Variants in CRLS1 observed in about 807,000 individuals in gnomAD.
The protein encoded by CRLS1 is cardiolipin synthase 1, also known as cardiolipin synthase (CMP-forming).
A neutral mutation model predicts 37.0 loss-of-function variants in CRLS1; 24 were observed. The ratio of observed to expected loss-of-function variants is 0.65; its 90% CI spans 0.47 to 0.91. CRLS1 has a LOEUF of 0.91. Among genes scored for constraint, CRLS1 ranks in the 40% least tolerant of loss-of-function variants. The pLI, the probability that CRLS1 is intolerant of heterozygous loss-of-function variation, is 0.00. For synonymous variants in CRLS1, 135 were observed against 159.7 expected (o/e 0.85, Z 1.17); for missense variants, 373 against 395.8 (o/e 0.94, Z 0.49).
At chr20:6,014,497 G>A (rs1183574591) in intron 2 of CRLS1, among the ~76,000 whole-genome samples, 1 of 152,156 alleles carries the variant, frequency 6.6e-6, no homozygotes, top group Non-Finnish European at 1.5e-5. Flanking sequence ...GAAACTTGAA[G>A]TTAAATGAGT....
At position 6,006,362 on chromosome 20, in the gene CRLS1, C is replaced by T; in HGVS notation, c.116C>T (p.Pro39Leu). The change falls in exon 1 of 7, where the codon CCC becomes CTC. Residue 39 changes from proline (P) to leucine (L), a missense_variant. Coordinates refer to ENST00000378863, the MANE Select transcript of CRLS1 (RefSeq NM_019095.6). ...TGCTGGGCCCTGCTGCCGCCCGTGC[C>T]CTGCTGCTTGGGCTGCCTGGCCGAA... ...RACWALLPPV[P>L]CCLGCLAERW... The T allele has an allele frequency of 1.4e-6, 2 of 1,401,944 alleles. No homozygotes were observed. The highest frequency in any genetic ancestry group is 3.1e-5 in the South Asian group (2 of 65,566). The allele number at this position is 1,401,944 out of a possible 1,614,324, so 86.8% of individuals were successfully genotyped here. A position where few individuals can be genotyped will look rare whatever the true frequency, so the allele number is the denominator to read the frequency against.
At chr20:6,030,674 G>A (rs115455007) in intron 3 of CRLS1, among the ~76,000 whole-genome samples, 2,141 of 151,944 alleles carry the variant, frequency 0.014, 51 homozygotes, top group African/African-American at 0.049. Context: ...AGCCGATACC[G>A]TGCCACTGCA....
rs1394201915 is a variant in CRLS1 at position 6,006,297 on chromosome 20, C to T, written c.51C>T (p.Ala17=). ...ARGSWGALRG[A]AWAPGTRPSK... Reference sequence around the variant, plus strand: ...GCTCGTGGGGGGCCCTGCGCGGCGCCGCTTGGGCTCCGGGAACGCGGCCGA... The same window carrying T: ...GCTCGTGGGGGGCCCTGCGCGGCGCTGCTTGGGCTCCGGGAACGCGGCCGA... The change falls in exon 1 of 7, where the codon GCC becomes GCT. Residue 17 remains alanine (A), a synonymous_variant. Transcript: ENST00000378863. The T allele has an allele frequency of 7.7e-7, 1 of 1,305,462 alleles. No homozygotes were observed. Among genetic ancestry groups the T allele is most frequent in the African/African-American group, 1.5e-5 (1 of 65,250 alleles). 80.9% of individuals were successfully genotyped at this position (1,305,462 alleles called of 1,614,324 possible).
chr20:6,009,681 G>GC (rs2090106384), intron 1 of CRLS1, 94 bp from the exon 2 acceptor site: 1 of 954,574 alleles, frequency 1.0e-6, no homozygotes, highest in African/African-American at 1.7e-5. Context: ...TCTGACTGAA[G>GC]TTGATGAAGT....
chr20:6,025,219 G>A (rs1379974890), intron 3 of CRLS1, among the ~76,000 whole-genome samples: 1 of 152,194 alleles, frequency 6.6e-6, no homozygotes, highest in African/African-American at 2.4e-5. Flanking sequence ...TCTTGCTAGA[G>A]GCCAATGAAG....
chr20:6,034,636 C>T, intron 6 of CRLS1, 81 bp downstream of exon 6: 2 of 1,046,290 alleles, frequency 1.9e-6, no homozygotes, highest in Non-Finnish European at 2.9e-6. Context: ...CTTGTTCTTA[C>T]AGCATTTGTT....
chr20:6,031,698 A>G (rs1012914467), intron 4 of CRLS1, among the ~76,000 whole-genome samples: 1 of 152,222 alleles, frequency 6.6e-6, no homozygotes, highest in Non-Finnish European at 1.5e-5. Context: ...TTTGGCTCCC[A>G]ATGTACTGAA....
At chr20:6,029,567 C>T (rs182834569) in intron 3 of CRLS1, among the ~76,000 whole-genome samples, 16 of 152,280 alleles carry the variant, frequency 1.1e-4, no homozygotes, top group African/African-American at 3.9e-4. Flanking sequence ...CCGTGTTGGT[C>T]AGGCTGATCT....
chr20:6,026,650 G>T (rs1979732660), intron 3 of CRLS1, among the ~76,000 whole-genome samples: 1 of 152,126 alleles, frequency 6.6e-6, no homozygotes, highest in Non-Finnish European at 1.5e-5. Flanking sequence ...ACTTATATTT[G>T]AATGAGGCAT....
At chr20:6,009,199 T>C (rs1017053429) in intron 1 of CRLS1, among the ~76,000 whole-genome samples, 1 of 152,020 alleles carries the variant, frequency 6.6e-6, no homozygotes, top group African/African-American at 2.4e-5. Context: ...GGCGGGCACC[T>C]GTAATCCCAG....
At chr20:6,009,063 G>A (rs2090097082) in intron 1 of CRLS1, among the ~76,000 whole-genome samples, 1 of 152,216 alleles carries the variant, frequency 6.6e-6, no homozygotes, top group African/African-American at 2.4e-5. Context: ...GCTGGCTCAC[G>A]CCTGTAATCC....
intron 2 of CRLS1, among the ~76,000 whole-genome samples, chr20:6,011,175 C>T (rs1380232408): frequency 1.3e-5 from 2 of 152,186 alleles, no homozygotes; most frequent in African/African-American, 4.8e-5. Context: ...ATATGAGCAT[C>T]CAGACAGGCG....
At chr20:6,011,512 C>T (rs1484415868) in intron 2 of CRLS1, among the ~76,000 whole-genome samples, 1 of 141,296 alleles carries the variant, frequency 7.1e-6, no homozygotes, top group Non-Finnish European at 1.5e-5. Flanking sequence ...TTAGCGTCTA[C>T]TAATATTTGT....
At chr20:6,020,476 A>G (rs1237006212) in intron 3 of CRLS1, among the ~76,000 whole-genome samples, 1 of 152,170 alleles carries the variant, frequency 6.6e-6, no homozygotes, top group African/African-American at 2.4e-5. Context: ...TGTTCAGAGA[A>G]CATGCTCTGT....
At chr20:6,007,444 C>T (rs2090073874) in intron 1 of CRLS1, 4 of 1,603,690 alleles carry the variant, frequency 2.5e-6, no homozygotes, top group African/African-American at 2.7e-5. Flanking sequence ...ATTAGCTCTC[C>T]TAACATTAAC....
chr20:6,032,083 A>T lies in CRLS1; in HGVS notation c.729+3A>T. 6.2e-7 allele frequency: 1 copy of T among 1,601,850 alleles called. No individual in the cohort carries two copies. The highest frequency in any genetic ancestry group is 8.6e-7 in the Non-Finnish European group (1 of 1,169,244). On this transcript the variant is annotated splice_donor_region_variant and intron_variant, in intron 5 of 6. Transcript: ENST00000378863. Reference sequence around the variant, plus strand: ...TAAAACCAACATTCATCAGCAAGGTAAGAGAATGCAATGTTCTTTGAAGTT... The same window carrying T: ...TAAAACCAACATTCATCAGCAAGGTTAGAGAATGCAATGTTCTTTGAAGTT...
rs1180871815 is a variant in CRLS1, at chr20:6,011,577, T to C, written c.444+1665T>C. Among the ~76,000 whole-genome samples, 40 of 64,152 alleles carry C rather than the reference T, an allele frequency of 6.2e-4. 1 individual carries two copies. The highest frequency in any genetic ancestry group is 3.0e-3 in the African/African-American group (35 of 11,690). The allele number at this position is 64,152 out of a possible 152,430, so 42.1% of individuals were successfully genotyped here. A position where few individuals can be genotyped will look rare whatever the true frequency, so the allele number is the denominator to read the frequency against. On this transcript the variant is annotated intron_variant, in intron 2 of 6. Coordinates refer to ENST00000378863, the MANE Select transcript of CRLS1 (RefSeq NM_019095.6). ...CTCCTTTTCTTTTGTCCCTGCTTTT[T>C]TTTTTTTTTTTTTTTTTTTTTTTTT...
chr20:6,025,578 G>A (rs1054777690), intron 3 of CRLS1, among the ~76,000 whole-genome samples: 6 of 152,140 alleles, frequency 3.9e-5, no homozygotes, highest in African/African-American at 1.4e-4. Flanking sequence ...TACTATTTAA[G>A]AAATACATTC....
intron 3 of CRLS1, among the ~76,000 whole-genome samples, chr20:6,025,764 C>T (rs1357405161): frequency 6.6e-6 from 1 of 152,146 alleles, no homozygotes; most frequent in Non-Finnish European, 1.5e-5. Context: ...TTGATTCCAA[C>T]CCACATGGAT....
Sources: allele counts gnomAD v4.1 joint callset (sites outside exome capture counted in the v4.1 genomes callset), GRCh38; gene constraint gnomAD v4.1.1; transcripts MANE v1.5; gene names NCBI Gene and HGNC (gene_info 2026-07-23, HGNC 2026-07-21).